Variants in ERICH6B observed in about 807,000 individuals in gnomAD.
The protein encoded by ERICH6B is glutamate rich 6B.
ERICH6B carries 69 observed loss-of-function variants against 80.0 expected under a neutral mutation model. That is an observed-to-expected ratio of 0.86 (90% confidence interval 0.71 to 1.05). The LOEUF is 1.05. Ranked by LOEUF, ERICH6B falls within the 50% of genes least tolerant of loss-of-function variation. ERICH6B has a pLI of 0.00. For synonymous variants in ERICH6B, 283 were observed against 291.9 expected, an observed-to-expected ratio of 0.97 and a Z score of 0.31; for missense variants, 754 against 796.1, an observed-to-expected ratio of 0.95 and a Z score of 0.64.
chr13:45,588,785 C>T (rs1206431585), intron 4 of ERICH6B, among the ~76,000 whole-genome samples: 2 of 152,224 alleles, frequency 1.3e-5, no homozygotes, highest in East Asian at 3.9e-4. Flanking sequence ...CCTGCCAGGT[C>T]TCACCTGCCG....
At chr13:45,576,466 A>C (rs1325086225) in intron 7 of ERICH6B, among the ~76,000 whole-genome samples, 2 of 152,234 alleles carry the variant, frequency 1.3e-5, no homozygotes, top group Admixed American at 1.3e-4. Flanking sequence ...TTTAAAAAAA[A>C]CATTGAAGAA....
At position 45,574,926 on chromosome 13, in the gene ERICH6B, C is replaced by T. The variant is rs2137993804; in HGVS notation, c.966G>A (p.Leu322=). The change falls in exon 8 of 15, where the codon CTG becomes CTA. Residue 322 remains leucine (L), a synonymous_variant. Coordinates refer to ENST00000298738, the MANE Select transcript of ERICH6B (RefSeq NM_182542.3). ...KVQQKKEENV[L]EFASKENFWD... ...AAAAGTTCTCTTTAGAAGCAAACTC[C>T]AGGACTTTCGATTTTGGAAGGAGCG... is the stretch of plus-strand genomic sequence containing the variant. 2.6e-6 allele frequency: 4 copies of T among 1,550,640 alleles called. No homozygotes were observed. Among genetic ancestry groups the T allele is most frequent in the Non-Finnish European group, 3.5e-6 (4 of 1,146,520 alleles).
chr13:45,560,036 T>C (rs1874601843), intron 11 of ERICH6B, among the ~76,000 whole-genome samples: 1 of 150,942 alleles, frequency 6.6e-6, no homozygotes, highest in South Asian at 2.1e-4. Flanking sequence ...GTAGTAATTG[T>C]TTGATAAATT....
chr13:45,573,963 T>C (rs892284245), intron 8 of ERICH6B, among the ~76,000 whole-genome samples: 3 of 152,212 alleles, frequency 2.0e-5, no homozygotes, highest in Non-Finnish European at 4.4e-5. Flanking sequence ...TTCATTGCAG[T>C]ATTTCAGTAA....
chr13:45,573,033 C>T (rs111519093), intron 8 of ERICH6B, among the ~76,000 whole-genome samples: 5 of 152,174 alleles, frequency 3.3e-5, no homozygotes, highest in African/African-American at 1.2e-4. Flanking sequence ...GGAAATTTGT[C>T]AGTGCTTTTT....
Position 45,581,079 on chromosome 13 carries a change from T to TA in ERICH6B, c.857-415dup, listed in dbSNP as rs771061084. Reference sequence around the variant, plus strand: ...ACACAATGCGGTGTGCCTGTCACTGTACAAAGTAGTGTGTCTGCTCTGTGG... The same window carrying TA: ...ACACAATGCGGTGTGCCTGTCACTGTAACAAAGTAGTGTGTCTGCTCTGTGG... On this transcript the variant is annotated intron_variant, in intron 5 of 14. Transcript: ENST00000298738. Among the ~76,000 whole-genome samples, 17 of 152,272 alleles carry TA rather than the reference T, an allele frequency of 1.1e-4. No homozygotes were observed. The South Asian group carries it at 2.3e-3, about 20-fold the overall frequency.
At chr13:45,611,703 C>G (rs1949900906) in intron 1 of ERICH6B, among the ~76,000 whole-genome samples, 1 of 152,202 alleles carries the variant, frequency 6.6e-6, no homozygotes, top group Non-Finnish European at 1.5e-5. Flanking sequence ...GGTGGCTCCC[C>G]AGTGATGACC....
intron 7 of ERICH6B, among the ~76,000 whole-genome samples, chr13:45,579,051 G>C (rs1420783707): frequency 1.5e-5 from 2 of 134,700 alleles, no homozygotes; most frequent in Admixed American, 7.4e-5. Context: ...AAAAAAGAAA[G>C]GTCAGATCTC....
At chr13:45,581,666 T>C (rs3014924) in intron 5 of ERICH6B, among the ~76,000 whole-genome samples, 85,474 of 152,192 alleles carry the variant, frequency 0.56, 26,121 homozygotes, top group East Asian at 0.8. Flanking sequence ...CATGAGCCAC[T>C]GCGCCTGGCC....
chr13:45,596,266 C>T, intron 3 of ERICH6B, 103 bp downstream of exon 3: 1 of 1,374,236 alleles, frequency 7.3e-7, no homozygotes, highest in Non-Finnish European at 9.6e-7. Context: ...GGATGCCCTC[C>T]TCCAGATACT....
chr13:45,580,048 G>T, intron 6 of ERICH6B, 74 bp from the exon 7 acceptor site: 2 of 1,228,950 alleles, frequency 1.6e-6, no homozygotes, highest in Non-Finnish European at 2.3e-6. Flanking sequence ...ATCCCTTATG[G>T]AATCAATTTA....
In ERICH6B at chr13:45,597,030, C is replaced by T. The variant is rs1876427563; in HGVS notation, c.-25G>A. 2 of 1,514,738 alleles carry T rather than the reference C, an allele frequency of 1.3e-6. No homozygotes were observed. The highest frequency in any genetic ancestry group is 1.3e-5 in the South Asian group (1 of 77,160). 93.8% of individuals were successfully genotyped at this position (1,514,738 alleles called of 1,614,324 possible). On this transcript the variant is annotated 5_prime_UTR_variant, in exon 3 of 15. Coordinates refer to ENST00000298738, the MANE Select transcript of ERICH6B (RefSeq NM_182542.3). ...TGCTGGGGAAGTCGTAGGTGGTGAA[C>T]TCCTTCTGCAGCAGCCAACGTCACT... is the stretch of plus-strand genomic sequence containing the variant.
intron 11 of ERICH6B, 143 bp downstream of exon 11, chr13:45,561,226 G>T: frequency 2.5e-6 from 2 of 801,432 alleles, no homozygotes; most frequent in Admixed American, 3.0e-5. Context: ...ACACACTCAG[G>T]TGTACCTCTG....
chr13:45,587,704 A>G (rs1002735890), intron 4 of ERICH6B, among the ~76,000 whole-genome samples: 3 of 152,176 alleles, frequency 2.0e-5, no homozygotes, highest in African/African-American at 7.2e-5. Context: ...GGCTTTCCAA[A>G]GGGCCTGAGG....
intron 11 of ERICH6B, among the ~76,000 whole-genome samples, chr13:45,556,771 A>G (rs60874305): frequency 0.094 from 14,354 of 151,942 alleles, 1,988 homozygotes; most frequent in African/African-American, 0.3. Flanking sequence ...TCATATATAT[A>G]TGTGTGTGTA....
chr13:45,561,077 C>T (rs79216294), intron 11 of ERICH6B, among the ~76,000 whole-genome samples: 2,626 of 152,230 alleles, frequency 0.017, 20 homozygotes, highest in Middle Eastern at 0.048. Flanking sequence ...AGATGCATGC[C>T]GCAGTGTCTG....
intron 14 of ERICH6B, among the ~76,000 whole-genome samples, chr13:45,544,083 A>AT (rs1310634903): frequency 1.3e-5 from 2 of 152,034 alleles, no homozygotes; most frequent in Non-Finnish European, 2.9e-5. Context: ...TTACTTATTT[A>AT]TTTTTTGAGA....
intron 7 of ERICH6B, among the ~76,000 whole-genome samples, chr13:45,578,283 A>T (rs947001287): frequency 3.3e-5 from 5 of 152,134 alleles, no homozygotes; most frequent in African/African-American, 1.2e-4. Flanking sequence ...GTGATTTTCC[A>T]TCCACTGACC....
chr13:45,588,308 G>A (rs1250254123), intron 4 of ERICH6B, among the ~76,000 whole-genome samples: 1 of 152,166 alleles, frequency 6.6e-6, no homozygotes, highest in African/African-American at 2.4e-5. Flanking sequence ...ATCAGTAGGG[G>A]AGCTTGGGTC....
Sources: allele counts gnomAD v4.1 joint callset (sites outside exome capture counted in the v4.1 genomes callset), GRCh38; gene constraint gnomAD v4.1.1; transcripts MANE v1.5; gene names NCBI Gene and HGNC (gene_info 2026-07-23, HGNC 2026-07-21).